Variants in GPC5 observed in about 807,000 individuals in gnomAD.
GPC5 encodes the protein glypican 5.
GPC5 carries 47 observed loss-of-function variants against 53.9 expected under a neutral mutation model. That is an observed-to-expected ratio of 0.87 (90% confidence interval 0.69 to 1.11). The LOEUF (loss-of-function observed/expected upper bound fraction) is 1.11, where lower values mean the gene tolerates loss of function less well. Ranked by LOEUF, GPC5 falls within the 50% of genes most tolerant of loss-of-function variation. The probability of loss-of-function intolerance (pLI) is 0.00; values close to 1 mark genes in which losing one functional copy is unlikely to be tolerated. For missense variants in GPC5, 748 were observed against 713.1 expected, an observed-to-expected ratio of 1.05 and a Z score of -0.56; for synonymous variants, 286 against 263.3, an observed-to-expected ratio of 1.09 and a Z score of -0.84.
intron 7 of GPC5, among the ~76,000 whole-genome samples, chr13:92,518,905 A>G (rs566615798): frequency 6.6e-6 from 1 of 152,348 alleles, no homozygotes; most frequent in African/African-American, 2.4e-5. Context: ...AGAGACACAC[A>G]TAGGCTCAAA....
In GPC5 at chr13:92,171,483, T is replaced by C. The variant is rs60315768; in HGVS notation, c.1561+26494T>C. 7.4e-3 allele frequency among the ~76,000 whole-genome samples: 1,130 copies of C among 152,306 alleles called. 16 individuals carry two copies. The highest frequency in any genetic ancestry group is 0.026 in the African/African-American group (1,083 of 41,562). ...CTTCCTGAAATAGTTGTATACATTCTGAAATTACTGTTCTTGATATTCTTT... is the reference window on the plus strand; with the variant it reads ...CTTCCTGAAATAGTTGTATACATTCCGAAATTACTGTTCTTGATATTCTTT... On this transcript the variant is annotated intron_variant, in intron 7 of 7. Transcript: ENST00000377067.
chr13:92,326,807 A>G (rs555614344), intron 7 of GPC5, among the ~76,000 whole-genome samples: 1 of 152,000 alleles, frequency 6.6e-6, no homozygotes, highest in East Asian at 1.9e-4. Context: ...TTATTTTTCT[A>G]TTTACTATCT....
intron 7 of GPC5, among the ~76,000 whole-genome samples, chr13:92,425,518 A>C (rs748236102): frequency 6.6e-6 from 1 of 152,068 alleles, no homozygotes; most frequent in Non-Finnish European, 1.5e-5. Flanking sequence ...TAAGGAAACA[A>C]GTGACTTAAT....
intron 7 of GPC5, among the ~76,000 whole-genome samples, chr13:92,795,024 GA>G: frequency 6.6e-6 from 1 of 151,936 alleles, no homozygotes. Flanking sequence ...AACAGAATTG[GA>G]AAAAACTACT....
intron 7 of GPC5, among the ~76,000 whole-genome samples, chr13:92,234,924 A>G (rs558338964): frequency 2.4e-4 from 36 of 152,174 alleles, no homozygotes; most frequent in Non-Finnish European, 4.7e-4. Flanking sequence ...AAAGGATTAT[A>G]TCAACAATTT....
At chr13:92,340,327 A>G (rs1287808196) in intron 7 of GPC5, 1 of 152,182 alleles carries the variant, frequency 6.6e-6, no homozygotes, top group South Asian at 2.1e-4. Flanking sequence ...AAAAATGAAC[A>G]TTAAGCAAGT....
intron 5 of GPC5, among the ~76,000 whole-genome samples, chr13:91,773,850 T>C (rs1273271888): frequency 6.6e-6 from 1 of 152,218 alleles, no homozygotes; most frequent in Non-Finnish European, 1.5e-5. Flanking sequence ...TTAGTCTATA[T>C]ATTGACATAA....
intron 7 of GPC5, among the ~76,000 whole-genome samples, chr13:92,549,073 T>G (rs1166994766): frequency 6.6e-6 from 1 of 152,100 alleles, no homozygotes; most frequent in Non-Finnish European, 1.5e-5. Flanking sequence ...AAAATATGAG[T>G]GCTCTCATTT....
intron 2 of GPC5, among the ~76,000 whole-genome samples, chr13:91,540,347 T>C (rs552053594): frequency 6.6e-6 from 1 of 152,376 alleles, no homozygotes; most frequent in South Asian, 2.1e-4. Context: ...TAGAATTCTA[T>C]AAATATCTTT....
intron 2 of GPC5, among the ~76,000 whole-genome samples, chr13:91,578,753 T>G (rs776241935): frequency 5.9e-5 from 9 of 152,076 alleles, no homozygotes; most frequent in Non-Finnish European, 1.2e-4. Context: ...AATTAACGAA[T>G]GTAAATTTTA....
chr13:92,385,731 G>GTA (rs1323841727), intron 7 of GPC5, among the ~76,000 whole-genome samples: 18 of 127,968 alleles, frequency 1.4e-4, no homozygotes, highest in African/African-American at 3.7e-4. Flanking sequence ...ATATATACAT[G>GTA]TATATATACG....
At chr13:92,333,143 C>T (rs1002234723) in intron 7 of GPC5, among the ~76,000 whole-genome samples, 1 of 152,084 alleles carries the variant, frequency 6.6e-6, no homozygotes, top group African/African-American at 2.4e-5. Flanking sequence ...GTGGACAAGT[C>T]TCAGAATTAA....
chr13:92,017,110 G>A (rs1338914260), intron 6 of GPC5, among the ~76,000 whole-genome samples: 1 of 152,142 alleles, frequency 6.6e-6, no homozygotes, highest in African/African-American at 2.4e-5. Flanking sequence ...GGAGTTGGTG[G>A]TTGTGGTGTA....
chr13:92,168,121 C>A (rs930305267), intron 7 of GPC5, among the ~76,000 whole-genome samples: 1 of 152,152 alleles, frequency 6.6e-6, no homozygotes, highest in African/African-American at 2.4e-5. Context: ...AGAGTCCTAA[C>A]ACTGGGTTTC....
At chr13:92,481,780 G>T (rs546469955) in intron 7 of GPC5, among the ~76,000 whole-genome samples, 1 of 152,198 alleles carries the variant, frequency 6.6e-6, no homozygotes, top group Non-Finnish European at 1.5e-5. Context: ...GAAGAAGGGG[G>T]TTGAAGACAA....
intron 7 of GPC5, among the ~76,000 whole-genome samples, chr13:92,646,915 T>A (rs1419612111): frequency 6.9e-6 from 1 of 144,286 alleles, no homozygotes; most frequent in African/African-American, 2.5e-5. Flanking sequence ...CATATATATG[T>A]AAATATATAT....
chr13:92,477,030 AACTT>A (rs1466912197), intron 7 of GPC5, among the ~76,000 whole-genome samples: 2 of 145,078 alleles, frequency 1.4e-5, no homozygotes, highest in Non-Finnish European at 3.0e-5. Flanking sequence ...TGTACCCTAA[AACTT>A]AAAGTATAAT....
intron 7 of GPC5, among the ~76,000 whole-genome samples, chr13:92,372,612 G>A (rs1358906189): frequency 3.3e-5 from 5 of 152,122 alleles, no homozygotes; most frequent in Non-Finnish European, 5.9e-5. Flanking sequence ...TATTTGAGGT[G>A]GGAGTAAATC....
intron 7 of GPC5, among the ~76,000 whole-genome samples, chr13:92,537,435 G>T (rs530177009): frequency 6.6e-6 from 1 of 152,266 alleles, no homozygotes; most frequent in East Asian, 1.9e-4. Context: ...TAATTTTTAT[G>T]TGATTTGATC....
Sources: gnomAD v4.1 joint callset for allele counts (sites outside exome capture counted in the v4.1 genomes callset) on GRCh38, gnomAD v4.1.1 for gene constraint, MANE v1.5 for transcripts, NCBI Gene and HGNC (gene_info 2026-07-23, HGNC 2026-07-21) for gene names.